Variants in SLC47A1 observed in about 807,000 individuals in gnomAD.
SLC47A1 encodes the protein multidrug and toxin extrusion protein 1.
SLC47A1 carries 58 observed loss-of-function variants against 65.8 expected under a neutral mutation model. That is an observed-to-expected ratio of 0.88 (90% CI 0.71 to 1.10). The LOEUF is 1.10. SLC47A1 is among the 50% of genes least tolerant of loss of function. The pLI, the probability that SLC47A1 is intolerant of heterozygous loss-of-function variation, is 0.00. For missense variants in SLC47A1, 706 were observed against 719.2 expected, an observed-to-expected ratio of 0.98 and a Z score of 0.21; for synonymous variants, 285 against 295.0, an observed-to-expected ratio of 0.97 and a Z score of 0.35.
chr17:19,551,395 T>A (rs1283621570), intron 5 of SLC47A1, 29 bp from the exon 6 acceptor site: 2 of 1,582,474 alleles, frequency 1.3e-6, no homozygotes, highest in African/African-American at 1.3e-5. Flanking sequence ...GCTGAAACAT[T>A]AACATTCATC....
At chr17:19,538,630 T>A (rs1916059480) in intron 1 of SLC47A1, among the ~76,000 whole-genome samples, 1 of 152,254 alleles carries the variant, frequency 6.6e-6, no homozygotes, top group Non-Finnish European at 1.5e-5. Flanking sequence ...AGTGGCCTTA[T>A]GTAACCATCT....
intron 15 of SLC47A1, 142 bp downstream of exon 15, chr17:19,571,714 T>C (rs2084401445): frequency 1.5e-6 from 1 of 648,424 alleles, no homozygotes; most frequent in South Asian, 2.1e-5. Context: ...CTTGTTGTTT[T>C]AACTAGACAG....
intron 6 of SLC47A1, among the ~76,000 whole-genome samples, chr17:19,554,177 A>G (rs1277400651): frequency 6.6e-6 from 1 of 152,208 alleles, no homozygotes; most frequent in Non-Finnish European, 1.5e-5. Flanking sequence ...GGTGGGGTTC[A>G]GGTGACATTT....
At chr17:19,542,768 A>G (rs1024467576) in intron 2 of SLC47A1, among the ~76,000 whole-genome samples, 8 of 146,328 alleles carry the variant, frequency 5.5e-5, no homozygotes, top group African/African-American at 2.0e-4. Context: ...ACATCTTCTC[A>G]TTTATTTTAT....
At chr17:19,562,922 G>A (rs1480168893) in intron 12 of SLC47A1, among the ~76,000 whole-genome samples, 1 of 151,956 alleles carries the variant, frequency 6.6e-6, no homozygotes, top group Admixed American at 6.6e-5. Flanking sequence ...GGCGGGAAAC[G>A]GCACCTCTAA....
rs540111956 is a variant in SLC47A1 at position 19,560,557 on chromosome 17, T to C, written c.1106+64T>C. On this transcript the variant is annotated intron_variant, in intron 12 of 16. Transcript: ENST00000270570. ...TAAAGAAATGGTTCATTGAGAAAATTTGTTCTCTAAAATCAGGCTGTTCAG... is the reference window on the plus strand; with the variant it reads ...TAAAGAAATGGTTCATTGAGAAAATCTGTTCTCTAAAATCAGGCTGTTCAG... 5.6e-5 allele frequency: 86 copies of C among 1,541,164 alleles called. 1 individual carries two copies. In the South Asian group the frequency reaches 9.3e-4, roughly 17 times the overall value.
chr17:19,564,100 C>A (rs1243163075), intron 12 of SLC47A1, among the ~76,000 whole-genome samples: 1 of 152,152 alleles, frequency 6.6e-6, no homozygotes, highest in African/African-American at 2.4e-5. Context: ...TGCCTGTAAT[C>A]CCAACACTTT....
At position 19,578,456 on chromosome 17, in the gene SLC47A1, A is replaced by G. The variant is rs185515656; in HGVS notation, c.*903A>G. 492 of 182,154 alleles carry G rather than the reference A, an allele frequency of 2.7e-3. 9 individuals are homozygous for G. The highest frequency in any genetic ancestry group is 0.021 in the South Asian group (187 of 9,108). The allele number at this position is 182,154 out of a possible 1,614,324, so 11.3% of individuals were successfully genotyped here. A position where few individuals can be genotyped will look rare whatever the true frequency, so the allele number is the denominator to read the frequency against. On this transcript the variant is annotated 3_prime_UTR_variant, in exon 17 of 17. Transcript: ENST00000270570. The stretch of plus-strand genomic sequence containing the variant: ...AGCAATCCTTCCACCTTGCCCTCCC[A>G]AAGTGTTGGGATTATAGGCATGAGC...
At chr17:19,562,873 G>A (rs1015692887) in intron 12 of SLC47A1, among the ~76,000 whole-genome samples, 13 of 152,036 alleles carry the variant, frequency 8.6e-5, no homozygotes, top group Admixed American at 8.5e-4. Flanking sequence ...TGGTAGAATC[G>A]GTGAAAGAGA....
At chr17:19,542,740 G>T (rs146181533) in intron 2 of SLC47A1, among the ~76,000 whole-genome samples, 61 of 151,730 alleles carry the variant, frequency 4.0e-4, no homozygotes, top group African/African-American at 1.4e-3. Flanking sequence ...CATCTGGGGG[G>T]GCATTATCCT....
chr17:19,546,416 T>C lies in SLC47A1; in HGVS notation c.238-19T>C. 6.2e-7 allele frequency: 1 copy of C among 1,613,254 alleles called. No individual in the cohort carries two copies. Among genetic ancestry groups the C allele is most frequent in the Non-Finnish European group, 8.5e-7 (1 of 1,179,628 alleles). On this transcript the variant is annotated intron_variant, in intron 2 of 16. Coordinates refer to ENST00000270570, the MANE Select transcript of SLC47A1 (RefSeq NM_018242.3). ...CCTCCTTTAACTCTATAGGGCCTTA[T>C]CTTTGGGTTTATTTGCAGGTTATCA...
rs763001193 is a variant in SLC47A1 at position 19,533,892 on chromosome 17, G to GTACCCACTGCCGGCCTCCGCGC, written c.-42_-21dup. 2.1e-6 allele frequency: 3 copies of GTACCCACTGCCGGCCTCCGCGC among 1,434,742 alleles called. No homozygotes were observed. Among genetic ancestry groups the GTACCCACTGCCGGCCTCCGCGC allele is most frequent in the African/African-American group, 1.5e-5 (1 of 65,322 alleles). 88.9% of individuals were successfully genotyped at this position (1,434,742 alleles called of 1,614,324 possible). A position where few individuals can be genotyped will look rare whatever the true frequency, so the allele number is the denominator to read the frequency against. ...GCGGTACTCACTGCCGGCCTCCGCG[G>GTACCCACTGCCGGCCTCCGCGC]TACCCACTGCCGGCCTCCGCGCTAC... On this transcript the variant is annotated 5_prime_UTR_variant, in exon 1 of 17. Coordinates refer to ENST00000270570, the MANE Select transcript of SLC47A1 (RefSeq NM_018242.3).
Position 19,560,430 on chromosome 17 carries a change from T to C in SLC47A1, c.1043T>C (p.Val348Ala), listed in dbSNP as rs2084299914. ...VSLLITVLFA[V>A]AFSVLLLSCK... ...TTTTTACCTTCAGTGCTCTTTGCTG[T>C]AGCCTTCAGTGTCCTGCTGTTAAGC... The change falls in exon 12 of 17, where the codon GTA becomes GCA. Residue 348 changes from valine to alanine, a missense_variant. Coordinates refer to ENST00000270570, the MANE Select transcript of SLC47A1 (RefSeq NM_018242.3). 1 of 1,614,124 alleles carries C rather than the reference T, an allele frequency of 6.2e-7. No individual in the cohort carries two copies. The highest frequency in any genetic ancestry group is 1.1e-5 in the South Asian group (1 of 91,094).
chr17:19,577,141 G>A (rs919648538), intron 16 of SLC47A1, among the ~76,000 whole-genome samples, 186 bp from the exon 17 acceptor site: 5 of 152,064 alleles, frequency 3.3e-5, no homozygotes, highest in African/African-American at 1.2e-4. Flanking sequence ...TAGGATCATC[G>A]GTGTTCGTGA....
At chr17:19,571,645 T>C in intron 15 of SLC47A1, 73 bp downstream of exon 15, 1 of 1,174,510 alleles carries the variant, frequency 8.5e-7, no homozygotes, top group South Asian at 1.3e-5. Context: ...CTCTCCCTTT[T>C]TTCTTTTGGA....
At chr17:19,571,599 A>T (rs1224642842) in intron 15 of SLC47A1, 27 bp downstream of exon 15, 2 of 1,571,220 alleles carry the variant, frequency 1.3e-6, no homozygotes, top group Non-Finnish European at 1.7e-6. Flanking sequence ...TGTCCCGGTA[A>T]AGGTTCCTCT....
At chr17:19,534,965 C>G (rs1259857975) in intron 1 of SLC47A1, 9 of 152,148 alleles carry the variant, frequency 5.9e-5, no homozygotes, top group African/African-American at 2.2e-4. Context: ...GACTTTGAGG[C>G]CCACATTCTG....
At chr17:19,576,250 G>A (rs1781101364) in intron 16 of SLC47A1, among the ~76,000 whole-genome samples, 1 of 149,764 alleles carries the variant, frequency 6.7e-6, no homozygotes, top group African/African-American at 2.5e-5. Context: ...ATATCTTGGG[G>A]TGAAATTCTC....
intron 10 of SLC47A1, among the ~76,000 whole-genome samples, chr17:19,558,269 G>A (rs1043265365): frequency 3.9e-5 from 6 of 152,104 alleles, no homozygotes; most frequent in East Asian, 1.9e-4. Flanking sequence ...AACATAGGCC[G>A]TTATCTGTAG....
Sources: gnomAD v4.1 joint callset for allele counts (sites outside exome capture counted in the v4.1 genomes callset) on GRCh38, gnomAD v4.1.1 for gene constraint, MANE v1.5 for transcripts, NCBI Gene and HGNC (gene_info 2026-07-23, HGNC 2026-07-21) for gene names.